The following MLLT10 variants were observed in gnomAD, a reference collection of about 807,000 sequenced individuals.
MLLT10 encodes protein AF-10.
A neutral mutation model predicts 129.1 loss-of-function variants in MLLT10; 30 were observed. That is an observed-to-expected ratio of 0.23 (90% CI 0.17 to 0.32). The LOEUF (loss-of-function observed/expected upper bound fraction) is 0.32. MLLT10 is among the 10% of genes least tolerant of loss of function. The pLI is 1.00. For synonymous variants in MLLT10, 490 were observed against 446.4 expected (o/e 1.10, Z -1.23); for missense variants, 1,119 against 1,268.3 (o/e 0.88, Z 1.79).
chr10:21,593,264 A>T (rs1397585887), intron 4 of MLLT10, among the ~76,000 whole-genome samples: 1 of 150,154 alleles, frequency 6.7e-6, no homozygotes. Flanking sequence ...CTGACTCATT[A>T]TTTTTTTTTG....
chr10:21,561,320 C>T (rs1421296341), intron 3 of MLLT10, among the ~76,000 whole-genome samples: 1 of 152,110 alleles, frequency 6.6e-6, no homozygotes, highest in Non-Finnish European at 1.5e-5. Flanking sequence ...GATCTTGGCT[C>T]TGTTCTGCCT....
At chr10:21,572,015 G>A (rs1432259461) in intron 3 of MLLT10, 3 of 152,138 alleles carry the variant, frequency 2.0e-5, no homozygotes, top group Non-Finnish European at 2.9e-5. Flanking sequence ...GCCTAACCTC[G>A]AAGTCATGAA....
intron 5 of MLLT10, among the ~76,000 whole-genome samples, chr10:21,603,016 G>A (rs2043703977): frequency 6.6e-6 from 1 of 151,940 alleles, no homozygotes; most frequent in Non-Finnish European, 1.5e-5. Context: ...ACAGGCGTGA[G>A]CCACTGCGCC....
chr10:21,595,751 G>A (rs1814897874), intron 5 of MLLT10, among the ~76,000 whole-genome samples: 2 of 151,984 alleles, frequency 1.3e-5, no homozygotes, highest in Non-Finnish European at 2.9e-5. Flanking sequence ...CAAGTATCAA[G>A]AGCCTGTTAA....
chr10:21,702,828 T>A (rs1742441895), intron 13 of MLLT10, among the ~76,000 whole-genome samples: 1 of 152,136 alleles, frequency 6.6e-6, no homozygotes. Context: ...ACAGGTGAAG[T>A]GTGTTTTTTG....
intron 5 of MLLT10, among the ~76,000 whole-genome samples, chr10:21,610,261 A>T (rs559791997): frequency 2.6e-5 from 4 of 152,270 alleles, no homozygotes; most frequent in African/African-American, 9.6e-5. Context: ...GGGATCTGTG[A>T]ATGGGAGCTA....
chr10:21,612,809 T>C (rs1346497709), intron 6 of MLLT10, among the ~76,000 whole-genome samples: 1 of 152,220 alleles, frequency 6.6e-6, no homozygotes, highest in African/African-American at 2.4e-5. Flanking sequence ...TGAATGATAG[T>C]ACTTCCTTAC....
intron 3 of MLLT10, among the ~76,000 whole-genome samples, chr10:21,558,892 A>G (rs1431406145): frequency 2.0e-5 from 3 of 152,022 alleles, no homozygotes; most frequent in African/African-American, 7.2e-5. Context: ...ATTAATAATA[A>G]CTCTGGATAC....
intron 8 of MLLT10, among the ~76,000 whole-genome samples, chr10:21,626,812 G>T (rs543545068): frequency 3.7e-4 from 57 of 152,218 alleles, no homozygotes; most frequent in African/African-American, 1.3e-3. Context: ...CTTTCCTTTT[G>T]GAATTTTGTG....
intron 6 of MLLT10, among the ~76,000 whole-genome samples, chr10:21,613,448 T>C (rs985821970): frequency 1.3e-5 from 2 of 152,194 alleles, no homozygotes; most frequent in Non-Finnish European, 2.9e-5. Context: ...AAACGGTTTT[T>C]GACTTTTATA....
intron 14 of MLLT10, among the ~76,000 whole-genome samples, chr10:21,715,678 T>C (rs770574662): frequency 6.6e-6 from 1 of 152,192 alleles, no homozygotes; most frequent in Non-Finnish European, 1.5e-5. Context: ...TCATTCATTA[T>C]GTCTGTGAGC....
At chr10:21,681,515 C>G in intron 12 of MLLT10, 139 bp downstream of exon 12, 1 of 604,278 alleles carries the variant, frequency 1.7e-6, no homozygotes, top group Non-Finnish European at 2.9e-6. Flanking sequence ...ATACTTTTCT[C>G]CTGCAAAGAT....
chr10:21,557,035 C>T lies in MLLT10; in HGVS notation c.240+18123C>T, dbSNP rs926258558. 6.3e-6 allele frequency: 9 copies of T among 1,432,248 alleles called. No homozygotes were observed. In the South Asian group the frequency reaches 1.1e-4, roughly 18 times the overall value. The allele number at this position is 1,432,248 out of a possible 1,614,324, so 88.7% of individuals were successfully genotyped here. A position where few individuals can be genotyped will look rare whatever the true frequency, so the allele number is the denominator to read the frequency against. ...TACCAAGTACTAGTCTTCAGTCTAT[C>T]CTGTTTACTTGATTTTTTCCCACTC... On this transcript the variant is annotated intron_variant, in intron 3 of 22. Transcript: ENST00000307729.
chr10:21,620,135 G>C (rs1011299411), intron 8 of MLLT10, among the ~76,000 whole-genome samples: 2 of 151,820 alleles, frequency 1.3e-5, no homozygotes, highest in Non-Finnish European at 2.9e-5. Flanking sequence ...TCACCATGTT[G>C]GTCAGGCTGG....
chr10:21,702,130 T>C (rs1039846254), intron 13 of MLLT10, among the ~76,000 whole-genome samples: 6 of 149,708 alleles, frequency 4.0e-5, no homozygotes, highest in African/African-American at 1.2e-4. Context: ...TTTCACCATG[T>C]TGGCCAGGAT....
At chr10:21,685,622 G>A (rs1245418065) in intron 13 of MLLT10, among the ~76,000 whole-genome samples, 1 of 152,136 alleles carries the variant, frequency 6.6e-6, no homozygotes, top group South Asian at 2.1e-4. Flanking sequence ...GATTACAGGC[G>A]TGAGCCACCG....
Position 21,681,252 on chromosome 10 carries a change from T to C in MLLT10, c.1622-80T>C. 3 of 1,572,138 alleles carry C rather than the reference T, an allele frequency of 1.9e-6. No individual in the cohort carries two copies. The South Asian group carries it at 3.5e-5, about 18-fold the overall frequency. On this transcript the variant is annotated intron_variant, in intron 11 of 22. Transcript: ENST00000307729. Reference sequence around the variant, plus strand: ...ACACTTTTAGGTGAATTTCCCTCCATTTTTCTGGCCTATCTCTTTTTTTAC... The same window carrying C: ...ACACTTTTAGGTGAATTTCCCTCCACTTTTCTGGCCTATCTCTTTTTTTAC...
intron 8 of MLLT10, among the ~76,000 whole-genome samples, chr10:21,645,461 G>C (rs538551364): frequency 6.6e-6 from 1 of 152,220 alleles, no homozygotes; most frequent in African/African-American, 2.4e-5. Flanking sequence ...ACTCTTACTA[G>C]AAATTTGTTC....
intron 13 of MLLT10, among the ~76,000 whole-genome samples, chr10:21,706,294 A>G (rs1370075613): frequency 6.6e-6 from 1 of 152,206 alleles, no homozygotes; most frequent in South Asian, 2.1e-4. Context: ...ACTGTCTACC[A>G]TGACTGGTGC....
Sources: gnomAD v4.1 joint callset for allele counts (sites outside exome capture counted in the v4.1 genomes callset) on GRCh38, gnomAD v4.1.1 for gene constraint, MANE v1.5 for transcripts, NCBI Gene and HGNC (gene_info 2026-07-23, HGNC 2026-07-21) for gene names.